The following WDR49 variants were observed in gnomAD, a reference collection of about 807,000 sequenced individuals.
WDR49 encodes WD repeat domain 49, also known as cilia- and flagella-associated protein 337.
A neutral mutation model predicts 119.5 loss-of-function variants in WDR49; 107 were observed. The observed-to-expected ratio is 0.90, with a 90% CI of 0.77 to 1.05. The LOEUF is 1.05. Ranked by LOEUF, WDR49 falls within the 50% of genes least tolerant of loss-of-function variation. WDR49 has a pLI of 0.00. For missense variants in WDR49, 1,240 were observed against 1,220.5 expected (o/e 1.02, Z -0.24); for synonymous variants, 425 against 418.8 (o/e 1.01, Z -0.18).
chr3:167,613,427 C>G (rs559728347), intron 5 of WDR49, among the ~76,000 whole-genome samples: 2 of 152,256 alleles, frequency 1.3e-5, no homozygotes, highest in Non-Finnish European at 2.9e-5. Flanking sequence ...CTGCTCACAG[C>G]GGATTTCAAC....
intron 6 of WDR49, among the ~76,000 whole-genome samples, chr3:167,603,892 A>ATGTG (rs149974758): frequency 6.6e-6 from 1 of 150,886 alleles, no homozygotes; most frequent in Admixed American, 6.6e-5. Flanking sequence ...TTGTGTATGG[A>ATGTG]TGTGTGTGTG....
chr3:167,602,370 T>C (rs1248810808), intron 6 of WDR49, 95 bp from the exon 7 acceptor site: 5 of 1,144,292 alleles, frequency 4.4e-6, no homozygotes, highest in Non-Finnish European at 5.9e-6. Context: ...AACTCTAGCT[T>C]GATGAATGTC....
chr3:167,631,396 G>T (rs538098113), intron 2 of WDR49, among the ~76,000 whole-genome samples: 1 of 152,214 alleles, frequency 6.6e-6, no homozygotes, highest in South Asian at 2.1e-4. Context: ...TGCCTTGTTT[G>T]ATTCTGCTTG....
At chr3:167,539,098 A>C (rs1258219205) in intron 10 of WDR49, among the ~76,000 whole-genome samples, 1 of 152,154 alleles carries the variant, frequency 6.6e-6, no homozygotes, top group Non-Finnish European at 1.5e-5. Context: ...ACACCTTCTT[A>C]AGTGTTAATT....
chr3:167,641,401 GAAGAT>G (rs1022809040), intron 2 of WDR49, among the ~76,000 whole-genome samples: 23 of 151,996 alleles, frequency 1.5e-4, no homozygotes, highest in African/African-American at 5.5e-4. Flanking sequence ...AAGATAAGAT[GAAGAT>G]AAGATAAGAT....
intron 7 of WDR49, among the ~76,000 whole-genome samples, chr3:167,592,839 T>G (rs1319457170): frequency 6.6e-6 from 1 of 152,208 alleles, no homozygotes; most frequent in Non-Finnish European, 1.5e-5. Context: ...TCAGCTTTTG[T>G]TTGTCTGGTA....
intron 2 of WDR49, among the ~76,000 whole-genome samples, chr3:167,650,696 T>C (rs932370515): frequency 2.0e-5 from 3 of 152,176 alleles, no homozygotes; most frequent in Admixed American, 1.3e-4. Context: ...TTAAGAAAAG[T>C]ATGAATTAGA....
At chr3:167,536,612 G>A (rs1282838308) in intron 11 of WDR49, among the ~76,000 whole-genome samples, 1 of 150,896 alleles carries the variant, frequency 6.6e-6, no homozygotes, top group African/African-American at 2.4e-5. Context: ...CCTGGCAGGT[G>A]GAGGTTACAA....
At chr3:167,641,119 T>A (rs540944280) in intron 2 of WDR49, among the ~76,000 whole-genome samples, 2 of 151,896 alleles carry the variant, frequency 1.3e-5, no homozygotes. Flanking sequence ...GATTTTACAT[T>A]TGCAGAAATT....
intron 2 of WDR49, among the ~76,000 whole-genome samples, chr3:167,650,590 T>G (rs1393510905): frequency 6.6e-6 from 1 of 152,244 alleles, no homozygotes; most frequent in Middle Eastern, 3.2e-3. Flanking sequence ...GACTCTTCTA[T>G]GTGAATTTAT....
At chr3:167,561,084 C>G (rs1231308040) in intron 8 of WDR49, among the ~76,000 whole-genome samples, 1 of 152,152 alleles carries the variant, frequency 6.6e-6, no homozygotes, top group South Asian at 2.1e-4. Context: ...TAAAGCATTT[C>G]TTTTTCTGTT....
intron 5 of WDR49, among the ~76,000 whole-genome samples, chr3:167,608,009 T>A (rs1330899621): frequency 6.6e-6 from 1 of 152,042 alleles, no homozygotes; most frequent in Non-Finnish European, 1.5e-5. Context: ...TGGGAAGTAA[T>A]TCGTTCCTAT....
chr3:167,562,722 T>G (rs1713340695), intron 8 of WDR49, among the ~76,000 whole-genome samples: 1 of 152,210 alleles, frequency 6.6e-6, no homozygotes, highest in South Asian at 2.1e-4. Context: ...TGCCTAAGTT[T>G]GAATGTCAGC....
At chr3:167,499,178 T>C (rs1452846687) in intron 18 of WDR49, among the ~76,000 whole-genome samples, 2 of 152,192 alleles carry the variant, frequency 1.3e-5, no homozygotes, top group Non-Finnish European at 2.9e-5. Context: ...TGCCTATAAG[T>C]AGAATTTCAA....
intron 16 of WDR49, 63 bp from the exon 17 acceptor site, chr3:167,505,479 G>A: frequency 7.0e-7 from 1 of 1,422,466 alleles, no homozygotes; most frequent in Non-Finnish European, 9.2e-7. Context: ...AACTCTTTCT[G>A]GCTATGTGTA....
chr3:167,557,340 A>T (rs1712993580), intron 9 of WDR49, among the ~76,000 whole-genome samples: 1 of 152,244 alleles, frequency 6.6e-6, no homozygotes, highest in Non-Finnish European at 1.5e-5. Context: ...ATATTCATAT[A>T]TGTAAAATGA....
chr3:167,540,648 A>G (rs149274652), intron 10 of WDR49, among the ~76,000 whole-genome samples: 70 of 152,256 alleles, frequency 4.6e-4, no homozygotes, highest in African/African-American at 1.7e-3. Context: ...AAGATTCTAT[A>G]ACACCCGCAA....
intron 2 of WDR49, among the ~76,000 whole-genome samples, chr3:167,637,853 T>A (rs76626584): frequency 4.9e-4 from 74 of 151,826 alleles, no homozygotes; most frequent in African/African-American, 1.7e-3. Flanking sequence ...TCTGGAAATT[T>A]TGCTGAATTC....
At chr3:167,617,504 C>A (rs1203695357) in intron 5 of WDR49, among the ~76,000 whole-genome samples, 1 of 152,052 alleles carries the variant, frequency 6.6e-6, no homozygotes, top group Non-Finnish European at 1.5e-5. Flanking sequence ...CCAGCCTGGG[C>A]GACAGTCTGA....
Sources: allele counts gnomAD v4.1 joint callset (sites outside exome capture counted in the v4.1 genomes callset), GRCh38; gene constraint gnomAD v4.1.1; transcripts MANE v1.5; gene names NCBI Gene and HGNC (gene_info 2026-07-23, HGNC 2026-07-21).